Variants in PEBP4 observed in about 807,000 individuals in gnomAD.
PEBP4 encodes the protein phosphatidylethanolamine binding protein 4.
In PEBP4, 22 loss-of-function variants were observed where a neutral mutation model predicts 23.9. The ratio of observed to expected loss-of-function variants is 0.92; its 90% CI spans 0.66 to 1.31. The LOEUF is 1.31. PEBP4 is among the 40% of genes most tolerant of loss of function. The pLI is 0.00. For missense variants in PEBP4, 324 were observed against 281.7 expected (o/e 1.15, Z -1.07); for synonymous variants, 112 against 99.3 (o/e 1.13, Z -0.76).
chr8:22,798,731 T>TC (rs1806318786), intron 4 of PEBP4: 2 of 109,470 alleles, frequency 1.8e-5, no homozygotes, highest in Admixed American at 8.2e-5. Context: ...CTTTTTTCTT[T>TC]TTTTTTTTTT....
At chr8:22,777,315 C>T (rs1172319704) in intron 4 of PEBP4, among the ~76,000 whole-genome samples, 1 of 152,122 alleles carries the variant, frequency 6.6e-6, no homozygotes, top group Non-Finnish European at 1.5e-5. Context: ...GGTGTGGCTA[C>T]CCCAGGAGAA....
intron 4 of PEBP4, among the ~76,000 whole-genome samples, chr8:22,768,641 AC>A (rs1449840495): frequency 6.6e-6 from 1 of 151,226 alleles, no homozygotes; most frequent in Non-Finnish European, 1.5e-5. Context: ...CCCAGTCAAT[AC>A]GGAGCCTTTT....
Position 22,817,744 on chromosome 8 carries a change from CAT to C in PEBP4, c.259-11_259-10del. 1 of 1,612,536 alleles carries C rather than the reference CAT, an allele frequency of 6.2e-7. No homozygotes were observed. Among genetic ancestry groups the C allele is most frequent in the Non-Finnish European group, 8.5e-7 (1 of 1,178,700 alleles). On this transcript the variant is annotated splice_polypyrimidine_tract_variant and intron_variant, in intron 3 of 6. Coordinates refer to ENST00000256404, the MANE Select transcript of PEBP4 (RefSeq NM_144962.3). ...AGGATATAGGTTGCGCCCTGTAACACATGTACCGAAAAGTAATGTAGCGTCAT... is the reference window on the plus strand; with the variant it reads ...AGGATATAGGTTGCGCCCTGTAACACGTACCGAAAAGTAATGTAGCGTCAT...
chr8:22,868,482 T>C (rs1807949054), intron 3 of PEBP4, among the ~76,000 whole-genome samples: 1 of 152,140 alleles, frequency 6.6e-6, no homozygotes, highest in Non-Finnish European at 1.5e-5. Flanking sequence ...TTATTTTTCC[T>C]TTTTATTCCC....
At chr8:22,901,150 A>G (rs2128776798) in intron 3 of PEBP4, among the ~76,000 whole-genome samples, 1 of 152,338 alleles carries the variant, frequency 6.6e-6, no homozygotes, top group Admixed American at 6.5e-5. Context: ...AATAAAACCT[A>G]TATTCCACGG....
At chr8:22,895,082 C>A (rs967753818) in intron 3 of PEBP4, among the ~76,000 whole-genome samples, 5 of 152,060 alleles carry the variant, frequency 3.3e-5, no homozygotes, top group East Asian at 1.9e-4. Context: ...TATTTATTGG[C>A]AGAAATCTGA....
At chr8:22,921,990 CT>C (rs1440248043) in intron 2 of PEBP4, among the ~76,000 whole-genome samples, 6 of 152,184 alleles carry the variant, frequency 3.9e-5, no homozygotes, top group Non-Finnish European at 8.8e-5. Flanking sequence ...CCCATAACCC[CT>C]CTCCCCTTTT....
chr8:22,818,867 C>T (rs928806884), intron 3 of PEBP4, among the ~76,000 whole-genome samples: 11 of 151,838 alleles, frequency 7.2e-5, no homozygotes, highest in East Asian at 1.9e-4. Context: ...TTCAACGGCA[C>T]GGCAGTAAGG....
intron 3 of PEBP4, among the ~76,000 whole-genome samples, chr8:22,898,401 A>AC (rs1808636835): frequency 1.9e-5 from 2 of 103,924 alleles, no homozygotes; most frequent in African/African-American, 6.9e-5. Flanking sequence ...CAAAAAAAAA[A>AC]AAAAAAAAAA....
intron 4 of PEBP4, among the ~76,000 whole-genome samples, chr8:22,752,303 A>G (rs541834604): frequency 1.3e-5 from 2 of 152,316 alleles, no homozygotes; most frequent in East Asian, 3.9e-4. Context: ...TCACAACCAT[A>G]GTGGCCAGAT....
At chr8:22,919,108 G>C (rs954074566) in intron 3 of PEBP4, among the ~76,000 whole-genome samples, 2 of 152,226 alleles carry the variant, frequency 1.3e-5, no homozygotes, top group African/African-American at 4.8e-5. Context: ...AAAGAGAAGA[G>C]TCTATTCCCC....
intron 3 of PEBP4, among the ~76,000 whole-genome samples, chr8:22,898,038 G>A (rs1808624906): frequency 6.6e-6 from 1 of 152,074 alleles, no homozygotes; most frequent in Non-Finnish European, 1.5e-5. Flanking sequence ...GAATCTTCTG[G>A]CACCTTGATC....
At chr8:22,733,344 G>A (rs1258073697) in intron 4 of PEBP4, among the ~76,000 whole-genome samples, 2 of 152,188 alleles carry the variant, frequency 1.3e-5, no homozygotes, top group African/African-American at 4.8e-5. Context: ...TATCCTTTGG[G>A]TGTCCCCGTA....
At chr8:22,830,113 TTGTGTGTGTGTGTG>T (rs3060706) in intron 3 of PEBP4, among the ~76,000 whole-genome samples, 5 of 144,158 alleles carry the variant, frequency 3.5e-5, no homozygotes, top group Non-Finnish European at 7.5e-5. Flanking sequence ...GGCTGTGGTT[TTGTGTGTGTGTGTG>T]TGTGTGTGTG....
At chr8:22,826,730 TAAAC>T (rs1806976591) in intron 3 of PEBP4, among the ~76,000 whole-genome samples, 1 of 152,200 alleles carries the variant, frequency 6.6e-6, no homozygotes, top group African/African-American at 2.4e-5. Context: ...TGTATTTACA[TAAAC>T]AAACTCTGGA....
rs567841285 is a variant in PEBP4 at position 22,833,586 on chromosome 8, C to T, written c.259-15851G>A. Among the ~76,000 whole-genome samples the T allele has an allele frequency of 3.3e-5, 5 of 152,302 alleles. No individual in the cohort carries two copies. In the South Asian group the frequency reaches 1.0e-3, roughly 32 times the overall value. On this transcript the variant is annotated intron_variant, in intron 3 of 6. Transcript: ENST00000256404. ...ACCTCAAGTGATTTGCCTGCCTTGG[C>T]CTCTCAAAGTGCTGGGATTACAGGC... is the stretch of plus-strand genomic sequence containing the variant.
chr8:22,920,970 C>T (rs917147885), intron 2 of PEBP4, among the ~76,000 whole-genome samples: 4 of 152,132 alleles, frequency 2.6e-5, no homozygotes, highest in Non-Finnish European at 5.9e-5. Context: ...TGTATTTGCT[C>T]CCTGAGAAGA....
intron 4 of PEBP4, among the ~76,000 whole-genome samples, chr8:22,801,124 T>C (rs567902889): frequency 6.6e-6 from 1 of 152,150 alleles, no homozygotes; most frequent in East Asian, 1.9e-4. Flanking sequence ...ACCAATGAGA[T>C]CATGCTGGGG....
At chr8:22,925,500 C>T (rs1050362293) in intron 2 of PEBP4, among the ~76,000 whole-genome samples, 1 of 152,318 alleles carries the variant, frequency 6.6e-6, no homozygotes, top group Admixed American at 6.5e-5. Context: ...CTAACACAGA[C>T]TTTGTAGGTT....
Sources: gnomAD v4.1 joint callset for allele counts (sites outside exome capture counted in the v4.1 genomes callset) on GRCh38, gnomAD v4.1.1 for gene constraint, MANE v1.5 for transcripts, NCBI Gene and HGNC (gene_info 2026-07-23, HGNC 2026-07-21) for gene names.